The following BIRC6 variants were observed in gnomAD, a reference collection of about 807,000 sequenced individuals.
BIRC6 encodes dual E2 ubiquitin-conjugating enzyme/E3 ubiquitin-protein ligase BIRC6.
Under a neutral mutation model 503.3 loss-of-function variants are expected in BIRC6, and 98 were observed. The observed-to-expected ratio is 0.19, with a 90% CI of 0.17 to 0.23. The LOEUF (loss-of-function observed/expected upper bound fraction) is 0.23, where lower values mean the gene tolerates loss of function less well. BIRC6 is among the 10% of genes least tolerant of loss of function. The pLI, the probability that BIRC6 is intolerant of heterozygous loss-of-function variation, is 1.00. For synonymous variants in BIRC6, 2,240 were observed against 2,078.7 expected, an observed-to-expected ratio of 1.08 and a Z score of -2.11; for missense variants, 5,360 against 5,806.0, an observed-to-expected ratio of 0.92 and a Z score of 2.50.
chr2:32,437,993 T>G (rs748977434), intron 15 of BIRC6, among the ~76,000 whole-genome samples: 1 of 152,226 alleles, frequency 6.6e-6, no homozygotes, highest in African/African-American at 2.4e-5. Context: ...AGTCTCCCTG[T>G]GTTGCCCAGG....
chr2:32,392,187 G>A (rs1232766308), intron 5 of BIRC6, 37 bp downstream of exon 5: 1 of 1,380,564 alleles, frequency 7.2e-7, no homozygotes, highest in Non-Finnish European at 1.0e-6. Context: ...TTTCTCAGTA[G>A]GCCTTTGTAG....
chr2:32,406,436 C>G (rs1048816464), intron 8 of BIRC6, 63 bp from the exon 9 acceptor site: 1 of 1,249,796 alleles, frequency 8.0e-7, no homozygotes, highest in Non-Finnish European at 1.1e-6. Context: ...TTTTTCTTTG[C>G]TTTCTCATAT....
At chr2:32,407,445 CAAAAAAAAAAAA>C (rs760585710) in intron 9 of BIRC6, among the ~76,000 whole-genome samples, 7 of 69,858 alleles carry the variant, frequency 1.0e-4, no homozygotes, top group Non-Finnish European at 1.8e-4. Context: ...AACTCTGTCT[CAAAAAAAAAAAA>C]AAAAAAAAAA....
At chr2:32,455,379 C>CAAAA (rs758202958) in intron 23 of BIRC6, among the ~76,000 whole-genome samples, 141 of 88,712 alleles carry the variant, frequency 1.6e-3, no homozygotes, top group African/African-American at 5.6e-3. Context: ...ACTCTGTCTC[C>CAAAA]AAAAAAAAAA....
intron 71 of BIRC6, among the ~76,000 whole-genome samples, chr2:32,604,059 G>T (rs976318852): frequency 6.6e-6 from 1 of 151,820 alleles, no homozygotes; most frequent in Non-Finnish European, 1.5e-5. Flanking sequence ...CTGCTTTTTT[G>T]CATGCCTCTA....
At chr2:32,576,659 A>T (rs1337093083) in intron 66 of BIRC6, among the ~76,000 whole-genome samples, 2 of 152,200 alleles carry the variant, frequency 1.3e-5, no homozygotes, top group African/African-American at 2.4e-5. Flanking sequence ...TCACTGGAAG[A>T]ATAATTCTTG....
In BIRC6 at chr2:32,369,940, AAAAAAATATATATATAT is replaced by A. The variant is rs1397395750; in HGVS notation, c.326-7646_326-7630del. Among the ~76,000 whole-genome samples, 15 of 50,208 alleles carry A rather than the reference AAAAAAATATATATATAT, an allele frequency of 3.0e-4. 1 individual carries two copies. Among genetic ancestry groups the A allele is most frequent in the African/African-American group, 1.6e-3 (15 of 9,328 alleles). The allele number at this position is 50,208 out of a possible 152,430, so 32.9% of individuals were successfully genotyped here. On this transcript the variant is annotated intron_variant, in intron 1 of 73. Coordinates refer to ENST00000421745, the MANE Select transcript of BIRC6 (RefSeq NM_016252.4). ...ACCCTGTCTCTTAAAAAAAAAAAAA[AAAAAAATATATATATAT>A]ATATATATATATATATATATATATA...
chr2:32,468,214 AAG>A (rs1224549384), intron 28 of BIRC6, 103 bp downstream of exon 28: 32 of 1,200,318 alleles, frequency 2.7e-5, no homozygotes, highest in Admixed American at 4.9e-5. Context: ...GTGTACAGAT[AAG>A]AGAGCAAGAG....
chr2:32,597,248 T>C (rs1443956984), intron 68 of BIRC6, among the ~76,000 whole-genome samples: 1 of 152,238 alleles, frequency 6.6e-6, no homozygotes, highest in South Asian at 2.1e-4. Context: ...TATTTAAATA[T>C]CATATGCAAC....
chr2:32,579,440 C>G (rs2060514199), intron 66 of BIRC6, among the ~76,000 whole-genome samples: 1 of 152,118 alleles, frequency 6.6e-6, no homozygotes, highest in Non-Finnish European at 1.5e-5. Flanking sequence ...CCAGTGCCAG[C>G]ACTTTGGGAG....
rs1188366799 is a variant in BIRC6 at position 32,554,432 on chromosome 2, CACTT to C, written c.13144+4953_13144+4956del. Reference sequence around the variant, plus strand: ...TTAGTAACGTGGTGATTATTAAACTCACTTATTTTCAAGTTGAAAAGCAAGATAT... The same window carrying C: ...TTAGTAACGTGGTGATTATTAAACTCATTTTCAAGTTGAAAAGCAAGATAT... On this transcript the variant is annotated intron_variant, in intron 65 of 73. Transcript: ENST00000421745. Among the ~76,000 whole-genome samples, 10 of 152,186 alleles carry C rather than the reference CACTT, an allele frequency of 6.6e-5. No individual in the cohort carries two copies. The South Asian group carries it at 1.9e-3, about 28-fold the overall frequency.
intron 39 of BIRC6, among the ~76,000 whole-genome samples, chr2:32,485,214 A>G (rs1018797142): frequency 2.6e-5 from 4 of 152,174 alleles, no homozygotes; most frequent in African/African-American, 9.7e-5. Flanking sequence ...GTGCGTGTGA[A>G]CACACACACT....
chr2:32,458,806 A>C (rs1174380812), intron 23 of BIRC6, among the ~76,000 whole-genome samples: 3 of 143,394 alleles, frequency 2.1e-5, no homozygotes. Context: ...TGATTCTTCC[A>C]CCTCAACCTC....
chr2:32,370,239 G>T (rs1448998670), intron 1 of BIRC6, among the ~76,000 whole-genome samples: 1 of 151,824 alleles, frequency 6.6e-6, no homozygotes, highest in Admixed American at 6.6e-5. Flanking sequence ...TAGAGATTGA[G>T]CCCTCTCCAT....
chr2:32,476,344 G>T lies in BIRC6; in HGVS notation c.6852G>T (p.Lys2284Asn). ...EQAKLKQATS[K>N]HFKDLIRLRR... The stretch of plus-strand genomic sequence containing the variant: ...CAAAACTAAAGCAGGCCACTTCAAA[G>T]GTATGATCTATACTTTTCAATATAG... The change falls in exon 34 of 74, where the codon AAG (lysine) becomes AAT (asparagine). Residue 2284 changes from lysine (K) to asparagine (N), a missense_variant and splice_region_variant. This residue lies in a region of BIRC6 where 2,299 missense variants were observed against 2,267.2 expected (regional missense o/e 1.01). Coordinates refer to ENST00000421745, the MANE Select transcript of BIRC6 (RefSeq NM_016252.4). 6.3e-7 allele frequency: 1 copy of T among 1,575,052 alleles called. No homozygotes were observed. Among genetic ancestry groups the T allele is most frequent in the East Asian group, 2.3e-5 (1 of 43,532 alleles).
chr2:32,445,607 A>T lies in BIRC6; in HGVS notation c.4423A>T (p.Thr1475Ser). Reference sequence around the variant, plus strand: ...CAGTACAGCTTGTGCATCTTTGCTTACTGCAGTGTCCAGACAGTTACAGGA... The same window carrying T: ...CAGTACAGCTTGTGCATCTTTGCTTTCTGCAGTGTCCAGACAGTTACAGGA... ...GCSTACASLL[T>S]AVSRQLQDRL... The change falls in exon 21 of 74, where the codon ACT becomes TCT. Residue 1475 changes from threonine (T) to serine (S), a missense_variant. Coordinates refer to ENST00000421745, the MANE Select transcript of BIRC6 (RefSeq NM_016252.4). 1 of 1,608,406 alleles carries T rather than the reference A, an allele frequency of 6.2e-7. No homozygotes were observed.
In BIRC6 at chr2:32,357,147, G is replaced by A; in HGVS notation, c.-15G>A. 2.7e-6 allele frequency: 4 copies of A among 1,481,844 alleles called. No homozygotes were observed. The highest frequency in any genetic ancestry group is 3.5e-6 in the Non-Finnish European group (4 of 1,131,118). The allele number at this position is 1,481,844 out of a possible 1,614,324, so 91.8% of individuals were successfully genotyped here. On this transcript the variant is annotated 5_prime_UTR_variant, in exon 1 of 74. Transcript: ENST00000421745. This position sits in a 1 kb window ranked among gnomAD's most constrained non-coding sequence, Gnocchi z 4.9. The stretch of plus-strand genomic sequence containing the variant: ...CACTTCCGGCTAACGCGCTCGGCTT[G>A]CCCCCTGGCCCCGGATGGTGACTGG...
Position 32,392,138 on chromosome 2 carries a change from A to G in BIRC6, c.939A>G (p.Gly313=). Residue 313 remains glycine, a synonymous_variant, in exon 5 of 74, where the codon GGA becomes GGG. Coordinates refer to ENST00000421745, the MANE Select transcript of BIRC6 (RefSeq NM_016252.4). ...AACCAGATCCCATGGCTCAAGCTGGATTTTATCATCAGGTAAAAAAAGAAT... is the reference window on the plus strand; with the variant it reads ...AACCAGATCCCATGGCTCAAGCTGGGTTTTATCATCAGGTAAAAAAAGAAT... The part of the protein sequence containing the change: ...WAQPDPMAQA[G]FYHQPASSGD... 1 of 1,580,700 alleles carries G rather than the reference A, an allele frequency of 6.3e-7. No individual in the cohort carries two copies.
chr2:32,518,498 A>G lies in BIRC6; in HGVS notation c.11493+101A>G, dbSNP rs527627961. The G allele has an allele frequency of 7.3e-5, 89 of 1,221,474 alleles. No homozygotes were observed. In the East Asian group the frequency reaches 1.7e-3, roughly 23 times the overall value. 75.7% of individuals were successfully genotyped at this position (1,221,474 alleles called of 1,614,324 possible). A position where few individuals can be genotyped will look rare whatever the true frequency, so the allele number is the denominator to read the frequency against. ...CCTATGTTCTAACTTCGAGTATAGC[A>G]AAGTGAAACTAGCACAGCCTTTATA... On this transcript the variant is annotated intron_variant, in intron 56 of 73. Transcript: ENST00000421745.
Sources: gnomAD v4.1 joint callset for allele counts (sites outside exome capture counted in the v4.1 genomes callset) on GRCh38, gnomAD v4.1.1 for gene constraint, gnomAD v4.1.1 regional missense constraint, Gnocchi (gnomAD v3.1) non-coding constraint, MANE v1.5 for transcripts, NCBI Gene and HGNC (gene_info 2026-07-23, HGNC 2026-07-21) for gene names.